LDB2: variants seen among roughly 807,000 people sequenced by gnomAD.
The protein encoded by LDB2 is LIM domain binding 2.
In LDB2, 12 loss-of-function variants were observed where a neutral mutation model predicts 44.3. The observed-to-expected ratio is 0.27, with a 90% confidence interval of 0.17 to 0.44. The LOEUF is 0.44. LDB2 is among the 20% of genes least tolerant of loss of function. The probability of loss-of-function intolerance (pLI) is 1.00; values close to 1 mark genes in which losing one functional copy is unlikely to be tolerated. For synonymous variants in LDB2, 164 were observed against 174.8 expected (o/e 0.94, Z 0.49); for missense variants, 344 against 473.5 (o/e 0.73, Z 2.54).
At chr4:16,714,542 T>C (rs1410309440) in intron 2 of LDB2, among the ~76,000 whole-genome samples, 1 of 152,170 alleles carries the variant, frequency 6.6e-6, no homozygotes, top group Non-Finnish European at 1.5e-5. Flanking sequence ...CCAAGGTCTC[T>C]TCTATCTTTA....
Position 16,502,679 on chromosome 4 carries a change from G to A in LDB2, c.1086C>T (p.Thr362=). ...WNSKPPATQE[T]KSENPPPQAS... ...CCTGGGGTGGGGGGTTTTCTGATTT[G>A]GTCTCTTGAGTGGCGGGAGGTTTAC... Residue 362 remains threonine (T), a synonymous_variant, in exon 8 of 8, where the codon ACC becomes ACT. Coordinates refer to ENST00000304523, the MANE Select transcript of LDB2 (RefSeq NM_001290.5). The A allele has an allele frequency of 6.2e-7, 1 of 1,614,048 alleles. No homozygotes were observed.
At chr4:16,615,833 G>T (rs535426725) in intron 2 of LDB2, among the ~76,000 whole-genome samples, 88 of 152,342 alleles carry the variant, frequency 5.8e-4, no homozygotes, top group African/African-American at 2.1e-3. Flanking sequence ...TCTGCCAGGA[G>T]TGGGCCATGG....
At chr4:16,869,202 T>C (rs1436006564) in intron 1 of LDB2, among the ~76,000 whole-genome samples, 1 of 151,746 alleles carries the variant, frequency 6.6e-6, no homozygotes, top group Non-Finnish European at 1.5e-5. Context: ...AGAAGTTAAG[T>C]AACTGCCCAA....
chr4:16,560,917 A>G (rs987284973), intron 5 of LDB2, among the ~76,000 whole-genome samples: 94 of 152,274 alleles, frequency 6.2e-4, no homozygotes, highest in East Asian at 1.5e-3. Flanking sequence ...TTCAATATAC[A>G]CAAATCAATA....
At chr4:16,739,610 G>GTGTATATATATA (rs1553994472) in intron 2 of LDB2, among the ~76,000 whole-genome samples, 2 of 52,624 alleles carry the variant, frequency 3.8e-5, no homozygotes, top group Admixed American at 2.1e-4. Flanking sequence ...ATATATATAT[G>GTGTATATATATA]TATATATACA....
chr4:16,886,052 C>T (rs529167431), intron 1 of LDB2, among the ~76,000 whole-genome samples: 1 of 151,948 alleles, frequency 6.6e-6, no homozygotes, highest in Admixed American at 6.6e-5. Context: ...TCTATCTCTA[C>T]AATTTTTTTT....
intron 2 of LDB2, among the ~76,000 whole-genome samples, chr4:16,612,723 AC>A (rs1374952289): frequency 1.3e-5 from 2 of 152,164 alleles, no homozygotes; most frequent in African/African-American, 4.8e-5. Flanking sequence ...AGCCTACCAA[AC>A]AAAAAAGCCC....
chr4:16,696,373 A>T (rs1236835678), intron 2 of LDB2, among the ~76,000 whole-genome samples: 1 of 152,230 alleles, frequency 6.6e-6, no homozygotes, highest in Non-Finnish European at 1.5e-5. Context: ...TAATGCACTA[A>T]TGACGATTAT....
chr4:16,600,202 T>C (rs1377893105), intron 2 of LDB2, among the ~76,000 whole-genome samples: 1 of 152,188 alleles, frequency 6.6e-6, no homozygotes, highest in Non-Finnish European at 1.5e-5. Flanking sequence ...TCCAAATCTA[T>C]TTAGATTTTA....
chr4:16,882,061 T>C lies in LDB2; in HGVS notation c.132+16293A>G, dbSNP rs547084041. On this transcript the variant is annotated intron_variant, in intron 1 of 7. Coordinates refer to ENST00000304523, the MANE Select transcript of LDB2 (RefSeq NM_001290.5). Reference sequence around the variant, plus strand: ...GTCTGTGCATGTGTATGCACGTGTGTGCATGTCTCAGTACCGCAATCCTGG... The same window carrying C: ...GTCTGTGCATGTGTATGCACGTGTGCGCATGTCTCAGTACCGCAATCCTGG... Among the ~76,000 whole-genome samples the C allele has an allele frequency of 1.3e-4, 20 of 152,338 alleles. No individual in the cohort carries two copies. In the East Asian group the frequency reaches 3.3e-3, roughly 25 times the overall value.
intron 2 of LDB2, among the ~76,000 whole-genome samples, chr4:16,697,655 C>T (rs1752480955): frequency 6.6e-6 from 1 of 152,084 alleles, no homozygotes; most frequent in Non-Finnish European, 1.5e-5. Context: ...TTGCCTCAGC[C>T]CTCTTCTTCT....
intron 6 of LDB2, 89 bp downstream of exon 6, chr4:16,511,892 T>A: frequency 1.4e-6 from 2 of 1,408,594 alleles, no homozygotes; most frequent in Non-Finnish European, 1.9e-6. Flanking sequence ...GATAAATTAA[T>A]GATCACTTTC....
At chr4:16,646,390 C>G (rs1487934781) in intron 2 of LDB2, among the ~76,000 whole-genome samples, 1 of 152,140 alleles carries the variant, frequency 6.6e-6, no homozygotes, top group East Asian at 1.9e-4. Context: ...TTTTAATAGG[C>G]TTATATAAAA....
chr4:16,861,731 C>T (rs1054950385), intron 1 of LDB2, among the ~76,000 whole-genome samples: 11 of 152,172 alleles, frequency 7.2e-5, no homozygotes, highest in South Asian at 2.1e-4. Flanking sequence ...TCAGCTAGGT[C>T]CTGCTGCCCT....
At chr4:16,781,324 G>A (rs756742424) in intron 1 of LDB2, among the ~76,000 whole-genome samples, 1 of 152,194 alleles carries the variant, frequency 6.6e-6, no homozygotes, top group Non-Finnish European at 1.5e-5. Flanking sequence ...ACTTGAGAAT[G>A]AGTCTTCACA....
At chr4:16,774,344 T>G (rs1397542373) in intron 1 of LDB2, among the ~76,000 whole-genome samples, 1 of 152,008 alleles carries the variant, frequency 6.6e-6, no homozygotes, top group African/African-American at 2.4e-5. Flanking sequence ...GAGATATGCG[T>G]TTTTTTAAAA....
intron 5 of LDB2, among the ~76,000 whole-genome samples, chr4:16,579,019 G>A (rs1053728695): frequency 6.6e-6 from 1 of 152,140 alleles, no homozygotes; most frequent in Admixed American, 6.5e-5. Context: ...GATAGAGAGT[G>A]GGGATGGTCA....
intron 2 of LDB2, among the ~76,000 whole-genome samples, chr4:16,689,543 G>C (rs1009293319): frequency 2.0e-5 from 3 of 152,206 alleles, no homozygotes; most frequent in Non-Finnish European, 2.9e-5. Context: ...TTACACAAAA[G>C]AGATAAAATT....
chr4:16,769,400 G>A (rs1481673325), intron 1 of LDB2, among the ~76,000 whole-genome samples: 3 of 151,830 alleles, frequency 2.0e-5, no homozygotes, highest in South Asian at 2.1e-4. Flanking sequence ...GGGTTCAAGC[G>A]ATTCTCCTGC....
Sources: gnomAD v4.1 joint callset for allele counts (sites outside exome capture counted in the v4.1 genomes callset) on GRCh38, gnomAD v4.1.1 for gene constraint, MANE v1.5 for transcripts, NCBI Gene and HGNC (gene_info 2026-07-23, HGNC 2026-07-21) for gene names.